Variants in IQCK observed in about 807,000 individuals in gnomAD.
The protein encoded by IQCK is IQ motif containing K, also known as IQ domain-containing protein K.
A neutral mutation model predicts 28.1 loss-of-function variants in IQCK; 29 were observed. That is an observed-to-expected ratio of 1.03 (90% CI 0.77 to 1.41). The LOEUF (loss-of-function observed/expected upper bound fraction) is 1.41, where lower values mean the gene tolerates loss of function less well. Ranked by LOEUF, IQCK falls within the 40% of genes most tolerant of loss-of-function variation. IQCK has a pLI of 0.00. For missense variants in IQCK, 359 were observed against 314.7 expected (o/e 1.14, Z -1.07); for synonymous variants, 113 against 115.1 (o/e 0.98, Z 0.12).
At position 19,719,953 on chromosome 16, in the gene IQCK, C is replaced by G. The variant is rs566746584; in HGVS notation, c.181+1466C>G. 2.0e-5 allele frequency among the ~76,000 whole-genome samples: 3 copies of G among 152,120 alleles called. No homozygotes were observed. In the East Asian group the frequency reaches 5.8e-4, roughly 30 times the overall value. On this transcript the variant is annotated intron_variant, in intron 1 of 7. Coordinates refer to ENST00000564186, the Ensembl canonical transcript of IQCK. ...CTCCCAAAGTGCTACAATTACAGGC[C>G]TGAGCCACCAGGCCCAGCCCAGACT...
At chr16:19,783,069 G>A (rs536126729) in intron 6 of IQCK, among the ~76,000 whole-genome samples, 54 of 151,924 alleles carry the variant, frequency 3.6e-4, no homozygotes, top group African/African-American at 1.3e-3. Context: ...TGCGATCTTG[G>A]CTCACTGCAA....
chr16:19,813,214 A>T (rs2055930813), intron 7 of IQCK, among the ~76,000 whole-genome samples: 1 of 152,250 alleles, frequency 6.6e-6, no homozygotes, highest in East Asian at 1.9e-4. Context: ...AGAGACAAGG[A>T]CAGAATGAGA....
At chr16:19,776,524 G>A (rs75528438) in intron 6 of IQCK, among the ~76,000 whole-genome samples, 3 of 152,104 alleles carry the variant, frequency 2.0e-5, no homozygotes, top group South Asian at 2.1e-4. Flanking sequence ...GGCCAACATG[G>A]TGAAACTCCG....
At position 19,730,428 on chromosome 16, in the gene IQCK, A is replaced by G; in HGVS notation, c.182-2A>G. ...TGAGGATTTTTTTTCCCTTCCCTTT[A>G]GAGTATGAAGCTGAGCAGCCTCCCT... On this transcript the variant is annotated splice_acceptor_variant, in intron 1 of 7. Coordinates refer to ENST00000564186, the Ensembl canonical transcript of IQCK. LOFTEE classifies it high-confidence loss of function. 6.3e-7 allele frequency: 1 copy of G among 1,596,342 alleles called. No individual in the cohort carries two copies. Among genetic ancestry groups the G allele is most frequent in the Non-Finnish European group, 8.5e-7 (1 of 1,172,678 alleles).
At chr16:19,767,603 TC>T (rs1567549512) in intron 6 of IQCK, among the ~76,000 whole-genome samples, 4 of 152,066 alleles carry the variant, frequency 2.6e-5, no homozygotes, top group Admixed American at 1.3e-4. Flanking sequence ...GCTGAAGTGC[TC>T]CTCTCGACGT....
chr16:19,829,003 A>AATATATATT (rs1254419103), downstream of IQCK, among the ~76,000 whole-genome samples: 1 of 144,446 alleles, frequency 6.9e-6, no homozygotes, highest in Non-Finnish European at 1.5e-5. Flanking sequence ...AATATATATA[A>AATATATATT]ATATATATTA....
intron 9 of IQCK, among the ~76,000 whole-genome samples, chr16:19,838,330 G>A (rs1436184852): frequency 6.6e-6 from 1 of 152,182 alleles, no homozygotes; most frequent in Non-Finnish European, 1.5e-5. Flanking sequence ...AGGGAGGCAT[G>A]AATTCGGTAT....
chr16:19,850,637 G>T (rs111770533), intron 9 of IQCK, among the ~76,000 whole-genome samples: 2 of 152,122 alleles, frequency 1.3e-5, no homozygotes, highest in Non-Finnish European at 2.9e-5. Context: ...TGAGCATCTC[G>T]TGGTTCGTAC....
chr16:19,771,649 T>C (rs1471916099), intron 6 of IQCK, among the ~76,000 whole-genome samples: 1 of 152,192 alleles, frequency 6.6e-6, no homozygotes, highest in Non-Finnish European at 1.5e-5. Flanking sequence ...CTCCCAGATA[T>C]AACCATTGTT....
intron 9 of IQCK, among the ~76,000 whole-genome samples, chr16:19,853,061 G>A (rs1347108539): frequency 6.6e-6 from 1 of 152,208 alleles, no homozygotes; most frequent in Non-Finnish European, 1.5e-5. Flanking sequence ...GTTGTGTCCA[G>A]GTTTTGCTAT....
intron 4 of IQCK, among the ~76,000 whole-genome samples, chr16:19,756,535 G>A (rs182273952): frequency 6.6e-6 from 1 of 152,280 alleles, no homozygotes; most frequent in East Asian, 1.9e-4. Context: ...TAGAGCCTTT[G>A]GGAGGTGATT....
chr16:19,776,390 C>G (rs2055395320), intron 6 of IQCK, among the ~76,000 whole-genome samples: 1 of 152,104 alleles, frequency 6.6e-6, no homozygotes, highest in South Asian at 2.1e-4. Flanking sequence ...CTGGGAGAAA[C>G]CTGGCTGTGT....
At chr16:19,736,586 A>G (rs1978022311) in intron 4 of IQCK, among the ~76,000 whole-genome samples, 2 of 152,192 alleles carry the variant, frequency 1.3e-5, no homozygotes, top group South Asian at 4.1e-4. Context: ...TGTTCCCTGC[A>G]CAGTTTTGAA....
chr16:19,784,989 G>A (rs1042797539), intron 6 of IQCK, among the ~76,000 whole-genome samples: 2 of 152,096 alleles, frequency 1.3e-5, no homozygotes, highest in African/African-American at 4.8e-5. Context: ...GGCTGGTCTC[G>A]AACCCCTGAC....
At chr16:19,845,502 G>A (rs1567201285) in intron 9 of IQCK, among the ~76,000 whole-genome samples, 1 of 152,188 alleles carries the variant, frequency 6.6e-6, no homozygotes, top group South Asian at 2.1e-4. Context: ...TGACTCACTC[G>A]GCTTTTGAAG....
intron 2 of IQCK, among the ~76,000 whole-genome samples, chr16:19,733,393 C>T (rs1370771054): frequency 2.0e-5 from 3 of 152,234 alleles, no homozygotes; most frequent in African/African-American, 7.2e-5. Flanking sequence ...TCTGCTTTGG[C>T]TTCCCGAAGT....
intron 9 of IQCK, among the ~76,000 whole-genome samples, chr16:19,854,662 T>A (rs2056531442): frequency 6.6e-6 from 1 of 152,224 alleles, no homozygotes; most frequent in African/African-American, 2.4e-5. Context: ...CCCCGCTCCA[T>A]CTGACTGTGC....
At chr16:19,821,028 TC>T (rs2056064865) in intron 7 of IQCK, among the ~76,000 whole-genome samples, 1 of 152,084 alleles carries the variant, frequency 6.6e-6, no homozygotes, top group Non-Finnish European at 1.5e-5. Flanking sequence ...CCACTTCATA[TC>T]TACTAGGATG....
intron 7 of IQCK, among the ~76,000 whole-genome samples, chr16:19,813,398 A>G (rs1158735223): frequency 6.6e-6 from 1 of 152,232 alleles, no homozygotes; most frequent in Non-Finnish European, 1.5e-5. Flanking sequence ...GAAACTATGC[A>G]AAGAAGAAGC....
Sources: gnomAD v4.1 joint callset for allele counts (sites outside exome capture counted in the v4.1 genomes callset) on GRCh38, gnomAD v4.1.1 for gene constraint, MANE v1.5 for transcripts, NCBI Gene and HGNC (gene_info 2026-07-23, HGNC 2026-07-21) for gene names.